FCAMR: variants seen among roughly 807,000 people sequenced by gnomAD.
FCAMR encodes Fc alpha and mu receptor.
Under a neutral mutation model 52.2 loss-of-function variants are expected in FCAMR, and 51 were observed. That is an observed-to-expected ratio of 0.98 (90% confidence interval 0.78 to 1.23). FCAMR has a LOEUF of 1.23. FCAMR is among the 50% of genes most tolerant of loss of function. The pLI is 0.00. For missense variants in FCAMR, 719 were observed against 712.6 expected, an observed-to-expected ratio of 1.01 and a Z score of -0.10; for synonymous variants, 282 against 262.0, an observed-to-expected ratio of 1.08 and a Z score of -0.74.
intron 6 of FCAMR, 104 bp downstream of exon 6, chr1:206,960,318 G>C: frequency 8.3e-7 from 1 of 1,206,666 alleles, no homozygotes; most frequent in Non-Finnish European, 1.1e-6. Flanking sequence ...CTGTCTTGTG[G>C]GTACAAAGGG....
rs376694888 is a variant in FCAMR, at chr1:206,967,080, G to A, written c.141C>T (p.Pro47=). The part of the protein sequence containing the change: ...VTSRRAGWKM[P]LFLILCLLQG... ...GTAGCAGGCACAGTATGAGGAAGAG[G>A]GGCATTTTCCATCCCGCCCTCCTGC... Residue 47 remains proline, a synonymous_variant, in exon 3 of 8, where the codon CCC becomes CCT. Transcript: ENST00000324852. 6.2e-7 allele frequency: 1 copy of A among 1,613,908 alleles called. No individual in the cohort carries two copies. Among genetic ancestry groups the A allele is most frequent in the Non-Finnish European group, 8.5e-7 (1 of 1,179,984 alleles).
Position 206,962,425 on chromosome 1 carries a change from G to C in FCAMR, c.440C>G (p.Pro147Arg), listed in dbSNP as rs748261902. Residue 147 changes from proline to arginine, a missense_variant, in exon 5 of 8, where the codon CCC (proline) becomes CGC (arginine). Coordinates refer to ENST00000324852, the MANE Select transcript of FCAMR (RefSeq NM_001170631.2). ...HQRKYWCRLG[P>R]PRWICQTIVS... ...AATGGTCTGGCAGATCCATCTTGGG[G>C]GCCCCAGACGGCACCAGTACTTCCT... 5 of 1,614,134 alleles carry C rather than the reference G, an allele frequency of 3.1e-6. No homozygotes were observed. The South Asian group carries it at 4.4e-5, about 14-fold the overall frequency.
rs1198067286 is a variant in FCAMR, at chr1:206,960,846, T to C, written c.1030A>G (p.Arg344Gly). 1 of 1,552,428 alleles carries C rather than the reference T, an allele frequency of 6.4e-7. No individual in the cohort carries two copies. The change falls in exon 6 of 8, where the codon AGG becomes GGG. Residue 344 changes from arginine (R) to glycine (G), a missense_variant. Transcript: ENST00000324852. ...GCCTTGGTAGTTGTCATCTCCCTCC[T>C]GTCCTTGCTGGCTCTAGCCCTGTTT... is the stretch of plus-strand genomic sequence containing the variant. ...VTNRARASKD[R>G]REMTTTKADR...
rs760651080 is a variant in FCAMR at position 206,960,626 on chromosome 1, G to A, written c.1250C>T (p.Thr417Ile). ...CACATCTGCAGCTGGAGTTCCCAAGGTCCACATGCCTGCAGCTGGAGTTGT... is the reference window on the plus strand; with the variant it reads ...CACATCTGCAGCTGGAGTTCCCAAGATCCACATGCCTGCAGCTGGAGTTGT... ...GETTPAAGMW[T>I]LGTPAADVWI... The change falls in exon 6 of 8, where the codon ACC becomes ATC. Residue 417 changes from threonine (T) to isoleucine (I), a missense_variant. By Grantham distance (89) the Thr-to-Ile change is moderately conservative. Coordinates refer to ENST00000324852, the MANE Select transcript of FCAMR (RefSeq NM_001170631.2). 4 of 1,551,740 alleles carry A rather than the reference G, an allele frequency of 2.6e-6. No homozygotes were observed. The highest frequency in any genetic ancestry group is 2.6e-6 in the Non-Finnish European group (3 of 1,146,922).
At chr1:206,969,863 AG>A (rs1373141008) in intron 1 of FCAMR, among the ~76,000 whole-genome samples, 1 of 152,208 alleles carries the variant, frequency 6.6e-6, no homozygotes, top group African/African-American at 2.4e-5. Flanking sequence ...TAAATTACCC[AG>A]GACTTCTAAG....
Position 206,962,295 on chromosome 1 carries a change from C to T in FCAMR, c.570G>A (p.Pro190=), listed in dbSNP as rs372119748. 25 of 1,614,152 alleles carry T rather than the reference C, an allele frequency of 1.5e-5. No individual in the cohort carries two copies. Among genetic ancestry groups the T allele is most frequent in the Middle Eastern group, 1.6e-4 (1 of 6,062 alleles). The change falls in exon 5 of 8, where the codon CCG becomes CCA. Residue 190 remains proline, a synonymous_variant. Coordinates refer to ENST00000324852, the MANE Select transcript of FCAMR (RefSeq NM_001170631.2). ...CGCAGAGGTAGCATCCGATGTCATC[C>T]GGGGACAGTTGGGACAGCCTCACCA... The part of the protein sequence containing the change: ...LFVVRLSQLS[P]DDIGCYLCGI...
Position 206,961,031 on chromosome 1 carries a change from C to T in FCAMR, c.845G>A (p.Arg282Gln), listed in dbSNP as rs548403472. ...TGCTGGCCTGGTTGCTCCTGGGGTT[C>T]GTCTTCCCTCAGCTGAAGCTGTAGT... Reference protein sequence around the residue: ...SKTTASAEGRRTPGATRPAAP... With the variant: ...SKTTASAEGRQTPGATRPAAP... Residue 282 changes from arginine (R) to glutamine (Q), a missense_variant, in exon 6 of 8, where the codon CGA becomes CAA. Physicochemically the swap from Arg to Gln is conservative, Grantham distance 43. Coordinates refer to ENST00000324852, the MANE Select transcript of FCAMR (RefSeq NM_001170631.2). The T allele has an allele frequency of 4.0e-5, 62 of 1,551,902 alleles. No individual in the cohort carries two copies. The highest frequency in any genetic ancestry group is 2.9e-4 in the African/African-American group (21 of 73,174).
At chr1:206,963,123 C>A (rs969514059) in intron 4 of FCAMR, among the ~76,000 whole-genome samples, 6 of 152,152 alleles carry the variant, frequency 3.9e-5, no homozygotes, top group Non-Finnish European at 8.8e-5. Context: ...ATCAGTGTAC[C>A]TTTCATCTGC....
At position 206,960,878 on chromosome 1, in the gene FCAMR, G is replaced by T; in HGVS notation, c.998C>A (p.Ser333Ter). 6.4e-7 allele frequency: 1 copy of T among 1,552,282 alleles called. No individual in the cohort carries two copies. Among genetic ancestry groups the T allele is most frequent in the Non-Finnish European group, 8.7e-7 (1 of 1,147,126 alleles). The stretch of plus-strand genomic sequence containing the variant: ...GCTGGCTCTAGCCCTGTTTGTCACC[G>T]AGCTTCTGGTGCCCTCCCAAACACC... Reference protein sequence around the residue: ...TEGVWEGTRSSVTNRARASKD... With the variant: ...TEGVWEGTRS The change falls in exon 6 of 8, where the codon TCG (serine) becomes TAG (stop). Residue 333 changes from serine (S) to a stop codon, truncating the protein, a stop_gained. Coordinates refer to ENST00000324852, the MANE Select transcript of FCAMR (RefSeq NM_001170631.2). LOFTEE classifies it high-confidence loss of function.
chr1:206,962,380 G>C lies in FCAMR; in HGVS notation c.485C>G (p.Thr162Ser), dbSNP rs924090996. 1 of 1,614,234 alleles carries C rather than the reference G, an allele frequency of 6.2e-7. No homozygotes were observed. Among genetic ancestry groups the C allele is most frequent in the Non-Finnish European group, 8.5e-7 (1 of 1,180,042 alleles). Residue 162 changes from threonine (T) to serine (S), a missense_variant, in exon 5 of 8, where the codon ACT (threonine) becomes AGT (serine). Coordinates refer to ENST00000324852, the MANE Select transcript of FCAMR (RefSeq NM_001170631.2). Reference sequence around the variant, plus strand: ...CACACGGTCACGATAGCGATGGTGAGTATACTGGTTGGTGGACACAATGGT... The same window carrying C: ...CACACGGTCACGATAGCGATGGTGACTATACTGGTTGGTGGACACAATGGT... Reference protein sequence around the residue: ...CQTIVSTNQYTHHRYRDRVAL... With the variant: ...CQTIVSTNQYSHHRYRDRVAL...
chr1:206,958,521 G>T lies in FCAMR; in HGVS notation c.1729C>A (p.Pro577Thr). The change falls in exon 8 of 8, where the codon CCC becomes ACC. Residue 577 changes from proline (P) to threonine (T), a missense_variant. By Grantham distance (38) the Pro-to-Thr change is conservative. Coordinates refer to ENST00000324852, the MANE Select transcript of FCAMR (RefSeq NM_001170631.2). ...GCAGTTCATCTCTCTGTCCCTCAGGGTCCTGGATTTCTCTCTGGGGCAGTC... is the reference window on the plus strand; with the variant it reads ...GCAGTTCATCTCTCTGTCCCTCAGGTTCCTGGATTTCTCTCTGGGGCAGTC... ...SLTAPERNPG[P>T] The T allele has an allele frequency of 6.2e-7, 1 of 1,611,840 alleles. No individual in the cohort carries two copies. Among genetic ancestry groups the T allele is most frequent in the Non-Finnish European group, 8.5e-7 (1 of 1,179,562 alleles).
Position 206,967,084 on chromosome 1 carries a change from A to C in FCAMR, c.137T>G (p.Met46Arg), listed in dbSNP as rs959969766. 6.2e-7 allele frequency: 1 copy of C among 1,613,944 alleles called. No homozygotes were observed. Residue 46 changes from methionine to arginine, a missense_variant, in exon 3 of 8, where the codon ATG becomes AGG. Transcript: ENST00000324852. Reference sequence around the variant, plus strand: ...CAGGCACAGTATGAGGAAGAGGGGCATTTTCCATCCCGCCCTCCTGCTGGT... The same window carrying C: ...CAGGCACAGTATGAGGAAGAGGGGCCTTTTCCATCCCGCCCTCCTGCTGGT... ...HVTSRRAGWK[M>R]PLFLILCLLQ...
Position 206,970,421 on chromosome 1 carries a change from C to A in FCAMR, c.-296G>T, listed in dbSNP as rs1680891242. The A allele has an allele frequency of 5.7e-6, 2 of 352,988 alleles. No homozygotes were observed. The highest frequency in any genetic ancestry group is 1.0e-5 in the Non-Finnish European group (2 of 194,312). 21.9% of individuals were successfully genotyped at this position (352,988 alleles called of 1,614,324 possible). ...TTTCCAGGAGTGGTAACAGTAGCTT[C>A]AAAAAAGAAAACACTGATCCATATC... is the stretch of plus-strand genomic sequence containing the variant. On this transcript the variant is annotated 5_prime_UTR_variant, in exon 1 of 8. An upstream open reading frame in the 5' UTR loses its in-frame stop. Transcript: ENST00000324852.
intron 3 of FCAMR, 31 bp downstream of exon 3, chr1:206,967,021 G>A (rs1680741385): frequency 6.2e-7 from 1 of 1,612,406 alleles, no homozygotes; most frequent in Non-Finnish European, 8.5e-7. Context: ...GGTTTTGTAA[G>A]CCCTGAACCT....
At chr1:206,967,972 C>T (rs1468118387) in intron 1 of FCAMR, among the ~76,000 whole-genome samples, 1 of 152,210 alleles carries the variant, frequency 6.6e-6, no homozygotes, top group Admixed American at 6.5e-5. Flanking sequence ...CTATTGTGAA[C>T]AGTAACCCTC....
At chr1:206,965,043 G>A (rs1189089676) in intron 4 of FCAMR, among the ~76,000 whole-genome samples, 1 of 152,084 alleles carries the variant, frequency 6.6e-6, no homozygotes. Context: ...CTCACTGTAC[G>A]TTTCATTAAA....
At chr1:206,968,008 C>A (rs947594614) in intron 1 of FCAMR, among the ~76,000 whole-genome samples, 1 of 152,214 alleles carries the variant, frequency 6.6e-6, no homozygotes, top group Non-Finnish European at 1.5e-5. Context: ...CCATACTGAT[C>A]ACTACACAAT....
In FCAMR at chr1:206,962,370, G is replaced by A. The variant is rs764606736; in HGVS notation, c.495C>T (p.Arg165=). 4 of 1,614,240 alleles carry A rather than the reference G, an allele frequency of 2.5e-6. No individual in the cohort carries two copies. In the Admixed American group the frequency reaches 5.0e-5, roughly 20 times the overall value. Residue 165 remains arginine, a synonymous_variant, in exon 5 of 8, where the codon CGC becomes CGT. Coordinates refer to ENST00000324852, the MANE Select transcript of FCAMR (RefSeq NM_001170631.2). ...IVSTNQYTHH[R]YRDRVALTDF... is the part of the protein sequence containing the mutation. ...CTGTGAGGGCCACACGGTCACGATA[G>A]CGATGGTGAGTATACTGGTTGGTGG...
At chr1:206,962,110 C>T in intron 5 of FCAMR, 103 bp downstream of exon 5, 2 of 1,150,608 alleles carry the variant, frequency 1.7e-6, no homozygotes, top group Non-Finnish European at 1.2e-6. Context: ...ATTGTCACTT[C>T]CCTAATGTTT....
Sources: gnomAD v4.1 joint callset for allele counts (sites outside exome capture counted in the v4.1 genomes callset) on GRCh38, gnomAD v4.1.1 for gene constraint, MANE v1.5 for transcripts, NCBI Gene and HGNC (gene_info 2026-07-23, HGNC 2026-07-21) for gene names.